Variants in ABLIM3 observed in about 807,000 individuals in gnomAD.
ABLIM3 encodes the protein actin-binding LIM protein 3.
In ABLIM3, 61 loss-of-function variants were observed where a neutral mutation model predicts 109.5. The ratio of observed to expected loss-of-function variants is 0.56; its 90% CI spans 0.45 to 0.69. The LOEUF (loss-of-function observed/expected upper bound fraction) is 0.69, where lower values mean the gene tolerates loss of function less well. ABLIM3 is among the 30% of genes least tolerant of loss of function. ABLIM3 has a pLI of 0.00. For synonymous variants in ABLIM3, 300 were observed against 324.8 expected, an observed-to-expected ratio of 0.92 and a Z score of 0.82; for missense variants, 796 against 889.5, an observed-to-expected ratio of 0.89 and a Z score of 1.34.
Position 149,259,544 on chromosome 5 carries a change from A to G in ABLIM3, c.*1140A>G, listed in dbSNP as rs534581717. The G allele has an allele frequency of 3.1e-3, 4,821 of 1,536,302 alleles. 55 individuals carry two copies. The highest frequency in any genetic ancestry group is 0.023 in the South Asian group (1,950 of 84,056). On this transcript the variant is annotated 3_prime_UTR_variant, in exon 24 of 24. Coordinates refer to ENST00000309868, the MANE Select transcript of ABLIM3 (RefSeq NM_014945.5). ...TGCTGCAAAGTTGGCCATGTTTCAC[A>G]GGGAAACTTTTGGAAGAGTGGCTGC...
chr5:149,216,726 G>C lies in ABLIM3; in HGVS notation c.670-233G>C, dbSNP rs1760125497. ...TCCTTCCCAGTGTCAGAATAGAAGAGCAGGTATTCAGGGAAGTCCCCTGAA... is the reference window on the plus strand; with the variant it reads ...TCCTTCCCAGTGTCAGAATAGAAGACCAGGTATTCAGGGAAGTCCCCTGAA... On this transcript the variant is annotated intron_variant, in intron 7 of 23. Transcript: ENST00000309868. 6.2e-5 allele frequency: 32 copies of C among 513,764 alleles called. No individual in the cohort carries two copies. In the South Asian group the frequency reaches 9.6e-4, roughly 15 times the overall value. The allele number at this position is 513,764 out of a possible 1,614,324, so 31.8% of individuals were successfully genotyped here.
chr5:149,151,277 C>T (rs975864712), intron 2 of ABLIM3, among the ~76,000 whole-genome samples: 2 of 152,152 alleles, frequency 1.3e-5, no homozygotes, highest in East Asian at 1.9e-4. Context: ...CAGGGACACC[C>T]GTCACATTGG....
intron 2 of ABLIM3, among the ~76,000 whole-genome samples, chr5:149,181,300 G>T (rs1756433269): frequency 6.6e-6 from 1 of 151,038 alleles, no homozygotes; most frequent in Non-Finnish European, 1.5e-5. Context: ...ATTCTGGGGG[G>T]TGGGGAAGGA....
At chr5:149,247,208 A>G (rs566270939) in intron 17 of ABLIM3, among the ~76,000 whole-genome samples, 19 of 152,368 alleles carry the variant, frequency 1.2e-4, no homozygotes, top group Admixed American at 1.1e-3. Context: ...AAGGTCGCAT[A>G]TTGTGTGATT....
chr5:149,234,705 A>G (rs1762177795), intron 10 of ABLIM3, among the ~76,000 whole-genome samples: 1 of 152,266 alleles, frequency 6.6e-6, no homozygotes, highest in Admixed American at 6.5e-5. Context: ...AAGAAAGGTA[A>G]TAGTCTCCCT....
chr5:149,195,374 G>T (rs141321063), intron 3 of ABLIM3, among the ~76,000 whole-genome samples: 1 of 152,186 alleles, frequency 6.6e-6, no homozygotes, highest in Non-Finnish European at 1.5e-5. Context: ...TCAATATTGC[G>T]TTTCACTCAG....
intron 5 of ABLIM3, among the ~76,000 whole-genome samples, chr5:149,202,007 A>G (rs969742354): frequency 1.3e-5 from 2 of 152,250 alleles, no homozygotes; most frequent in African/African-American, 4.8e-5. Context: ...ACTAAGATAC[A>G]TTGCTTATAT....
chr5:149,163,737 GA>G (rs764326150), intron 2 of ABLIM3, among the ~76,000 whole-genome samples: 10 of 152,128 alleles, frequency 6.6e-5, no homozygotes, highest in Non-Finnish European at 1.2e-4. Context: ...TGAGGGTAGG[GA>G]CTTCATCATG....
chr5:149,143,228 T>G (rs1014858108), intron 2 of ABLIM3, among the ~76,000 whole-genome samples: 8 of 151,610 alleles, frequency 5.3e-5, no homozygotes, highest in Non-Finnish European at 1.0e-4. Context: ...CCAGGTGTGG[T>G]GGTGTGGGCC....
chr5:149,226,281 C>T (rs948457059), intron 8 of ABLIM3, among the ~76,000 whole-genome samples: 6 of 151,722 alleles, frequency 4.0e-5, no homozygotes, highest in Admixed American at 1.3e-4. Context: ...GTCAGGATAT[C>T]GAGACCATCC....
intron 5 of ABLIM3, among the ~76,000 whole-genome samples, chr5:149,205,280 C>A (rs968477933): frequency 1.3e-5 from 2 of 152,140 alleles, no homozygotes; most frequent in Non-Finnish European, 2.9e-5. Flanking sequence ...TCCTCACCAC[C>A]CCTTCCTCAG....
chr5:149,201,552 C>T (rs1467286903), intron 5 of ABLIM3, among the ~76,000 whole-genome samples: 2 of 152,182 alleles, frequency 1.3e-5, no homozygotes, highest in Admixed American at 1.3e-4. Flanking sequence ...GGAAGGCTCC[C>T]TCCCTTGCCT....
At position 149,165,487 on chromosome 5, in the gene ABLIM3, T is replaced by C. The variant is rs563164850; in HGVS notation, c.14-17965T>C. Among the ~76,000 whole-genome samples, 3 of 152,356 alleles carry C rather than the reference T, an allele frequency of 2.0e-5. No homozygotes were observed. The East Asian group carries it at 5.8e-4, about 29-fold the overall frequency. ...ACCTTTAATCTCCTCTTTAAGACTT[T>C]GTATTAGTAAGAACTCTTAGAGTAC... On this transcript the variant is annotated intron_variant, in intron 2 of 23. Coordinates refer to ENST00000309868, the MANE Select transcript of ABLIM3 (RefSeq NM_014945.5).
intron 2 of ABLIM3, among the ~76,000 whole-genome samples, chr5:149,160,258 C>T (rs1000652839): frequency 3.3e-5 from 5 of 151,936 alleles, no homozygotes; most frequent in Admixed American, 6.6e-5. Flanking sequence ...AGTTCGAGAC[C>T]AGCCTGGCCA....
intron 8 of ABLIM3, chr5:149,219,118 T>C (rs2918276): frequency 0.5 from 75,850 of 152,112 alleles, 19,566 homozygotes; most frequent in East Asian, 0.63. Flanking sequence ...TGCCTACAGC[T>C]GAGTTCCTTA....
chr5:149,169,099 C>CTCAACCACT (rs1755122374), intron 2 of ABLIM3, among the ~76,000 whole-genome samples: 3 of 129,982 alleles, frequency 2.3e-5, no homozygotes, highest in African/African-American at 1.1e-4. Flanking sequence ...CCCCACCCCC[C>CTCAACCACT]GTCTCACCCT....
intron 2 of ABLIM3, among the ~76,000 whole-genome samples, chr5:149,145,571 G>A (rs1299419082): frequency 1.3e-5 from 2 of 152,124 alleles, no homozygotes; most frequent in Admixed American, 6.5e-5. Context: ...TCTCCAAATT[G>A]CTTTCCACAG....
At chr5:149,215,013 G>A (rs1050289835) in intron 7 of ABLIM3, among the ~76,000 whole-genome samples, 2 of 152,136 alleles carry the variant, frequency 1.3e-5, no homozygotes, top group Admixed American at 6.6e-5. Context: ...CTTACTCTGG[G>A]TGCAGGCTGC....
chr5:149,234,836 C>G (rs748766431), intron 10 of ABLIM3, among the ~76,000 whole-genome samples: 4 of 152,162 alleles, frequency 2.6e-5, no homozygotes, highest in Non-Finnish European at 4.4e-5. Flanking sequence ...AGAATAGGAG[C>G]ACTCAGGAAG....
Sources: gnomAD v4.1 joint callset for allele counts (sites outside exome capture counted in the v4.1 genomes callset) on GRCh38, gnomAD v4.1.1 for gene constraint, MANE v1.5 for transcripts, NCBI Gene and HGNC (gene_info 2026-07-23, HGNC 2026-07-21) for gene names.